The following NAV2 variants were observed in gnomAD, a reference collection of about 807,000 sequenced individuals.
NAV2 encodes helicase, APC down-regulated 1.
Under a neutral mutation model 223.2 loss-of-function variants are expected in NAV2, and 54 were observed. That is an observed-to-expected ratio of 0.24 (90% confidence interval 0.19 to 0.30). The LOEUF is 0.30. NAV2 is among the 10% of genes least tolerant of loss of function. NAV2 has a pLI of 1.00. For synonymous variants in NAV2, 1,279 were observed against 1,239.3 expected (o/e 1.03, Z -0.67); for missense variants, 2,806 against 3,147.5 (o/e 0.89, Z 2.60).
chr11:19,402,958 A>G (rs1849748995), intron 1 of NAV2, among the ~76,000 whole-genome samples: 2 of 152,378 alleles, frequency 1.3e-5, no homozygotes, highest in South Asian at 4.1e-4. Flanking sequence ...TCATCCATTC[A>G]TTACTAATGC....
intron 10 of NAV2, among the ~76,000 whole-genome samples, chr11:19,961,393 T>G (rs1211107118): frequency 6.6e-6 from 1 of 152,166 alleles, no homozygotes; most frequent in Admixed American, 6.5e-5. Context: ...TTGAGGTGAA[T>G]ATGAAAAGAA....
At chr11:19,792,334 G>C (rs1040466534) in intron 1 of NAV2, among the ~76,000 whole-genome samples, 13 of 152,186 alleles carry the variant, frequency 8.5e-5, no homozygotes, top group African/African-American at 2.2e-4. Flanking sequence ...TCTAAGTAGT[G>C]GGGGGCATTG....
At chr11:19,348,880 G>A (rs533838879), upstream of NAV2, among the ~76,000 whole-genome samples, 4 of 152,272 alleles carry the variant, frequency 2.6e-5, no homozygotes, top group Non-Finnish European at 5.9e-5. Context: ...TTAGTTTGAG[G>A]TTTCAATTGG....
At chr11:19,418,214 A>G (rs1386239712) in intron 1 of NAV2, among the ~76,000 whole-genome samples, 1 of 152,206 alleles carries the variant, frequency 6.6e-6, no homozygotes, top group Non-Finnish European at 1.5e-5. Flanking sequence ...TCAACCTCTC[A>G]ATCTGTCAGT....
In NAV2 at chr11:19,772,295, G is replaced by A. The variant is rs144611366; in HGVS notation, c.267+58333G>A. ...TTCATTTCCTGCATGTAATATGACA[G>A]TAATGCAGACAACTGCAGAAATAGG... On this transcript the variant is annotated intron_variant, in intron 1 of 37. Transcript: ENST00000349880. 3.9e-3 allele frequency among the ~76,000 whole-genome samples: 601 copies of A among 152,318 alleles called. 1 individual carries two copies. Among genetic ancestry groups the A allele is most frequent in the Non-Finnish European group, 6.3e-3 (428 of 68,024 alleles).
At chr11:19,884,239 T>G in intron 5 of NAV2, 1 of 1,306,240 alleles carries the variant, frequency 7.7e-7, no homozygotes, top group South Asian at 1.2e-5. Context: ...GTGTGTCTAA[T>G]GTATCTTCTC....
intron 3 of NAV2, among the ~76,000 whole-genome samples, chr11:19,849,358 A>G (rs1203313482): frequency 6.6e-6 from 1 of 152,228 alleles, no homozygotes; most frequent in East Asian, 1.9e-4. Context: ...TTTAGCTGAG[A>G]GTTAGCAAAA....
At chr11:20,038,114 C>T (rs1411366319) in intron 12 of NAV2, among the ~76,000 whole-genome samples, 1 of 152,178 alleles carries the variant, frequency 6.6e-6, no homozygotes, top group Non-Finnish European at 1.5e-5. Context: ...TCTTGCAAAG[C>T]TGGAATTGAA....
intron 1 of NAV2, among the ~76,000 whole-genome samples, chr11:19,813,994 C>A (rs1000018887): frequency 2.0e-5 from 3 of 152,200 alleles, no homozygotes; most frequent in African/African-American, 7.2e-5. Flanking sequence ...GCAGGACTTT[C>A]ATCTGTGGAA....
At chr11:19,419,978 G>A (rs544703037) in intron 1 of NAV2, among the ~76,000 whole-genome samples, 2 of 152,284 alleles carry the variant, frequency 1.3e-5, no homozygotes, top group South Asian at 4.1e-4. Context: ...AAATAGCAGT[G>A]GCAGTTCTTT....
At chr11:19,637,931 A>C (rs1337398287) in intron 1 of NAV2, among the ~76,000 whole-genome samples, 1 of 152,252 alleles carries the variant, frequency 6.6e-6, no homozygotes. Flanking sequence ...AGGGTAGGCC[A>C]GTGAGTTGGC....
chr11:20,120,190 G>T lies in NAV2; in HGVS notation c.*1932G>T, dbSNP rs919437627. On this transcript the variant is annotated 3_prime_UTR_variant, in exon 38 of 38. Transcript: ENST00000349880. The stretch of plus-strand genomic sequence containing the variant: ...TACCATAAGAGTTTGACCCGAAACT[G>T]CTCACTTCACATTGGATGACACCAT... 6.6e-6 allele frequency: 1 copy of T among 152,118 alleles called. No individual in the cohort carries two copies. Among genetic ancestry groups the T allele is most frequent in the African/African-American group, 2.4e-5 (1 of 41,412 alleles). The allele number at this position is 152,118 out of a possible 1,614,324, so 9.4% of individuals were successfully genotyped here.
At chr11:19,877,470 C>CTTTTTTTTTTTTTTCTTTTTTCTTTTTTT (rs1555114909) in intron 4 of NAV2, among the ~76,000 whole-genome samples, 3 of 82,620 alleles carry the variant, frequency 3.6e-5, no homozygotes, top group African/African-American at 6.8e-5. Flanking sequence ...TATCTTCATT[C>CTTTTTTTTTTTTTTCTTTTTTCTTTTTTT]TTTTTTTTTT....
chr11:19,889,581 C>T (rs573237194), intron 5 of NAV2, among the ~76,000 whole-genome samples: 2 of 152,334 alleles, frequency 1.3e-5, no homozygotes, highest in South Asian at 4.1e-4. Flanking sequence ...TCCTCAAGAA[C>T]TCCTTCTCCA....
At chr11:20,019,789 C>T (rs1413335856) in intron 11 of NAV2, among the ~76,000 whole-genome samples, 1 of 151,930 alleles carries the variant, frequency 6.6e-6, no homozygotes, top group Non-Finnish European at 1.5e-5. Context: ...ATGCTACCTG[C>T]TGCTGAAAAC....
chr11:20,035,570 C>G (rs569262991), intron 11 of NAV2, among the ~76,000 whole-genome samples: 2 of 152,174 alleles, frequency 1.3e-5, no homozygotes, highest in Non-Finnish European at 2.9e-5. Flanking sequence ...GTGCCTGCTG[C>G]GGAGTCCTTC....
intron 1 of NAV2, chr11:19,380,344 A>C (rs1848795565): frequency 6.6e-6 from 1 of 152,122 alleles, no homozygotes; most frequent in South Asian, 2.1e-4. Context: ...TGTGGTTCTA[A>C]AAGTCTGGAA....
chr11:19,434,377 T>A (rs754658066), intron 1 of NAV2, among the ~76,000 whole-genome samples: 3 of 152,200 alleles, frequency 2.0e-5, no homozygotes, highest in Non-Finnish European at 2.9e-5. Flanking sequence ...ACTGAAGCAT[T>A]TTTAAAAGCA....
chr11:20,044,253 A>C lies in NAV2; in HGVS notation c.3180A>C (p.Ala1060=), dbSNP rs760272744. The C allele has an allele frequency of 1.3e-5, 21 of 1,611,470 alleles. No individual in the cohort carries two copies. In the East Asian group the frequency reaches 3.6e-4, roughly 27 times the overall value. The change falls in exon 13 of 38, where the codon GCA becomes GCC. Residue 1060 remains alanine, a synonymous_variant. Coordinates refer to ENST00000349880, the MANE Select transcript of NAV2 (RefSeq NM_145117.5). The stretch of plus-strand genomic sequence containing the variant: ...CGAAGCCTTCAGCCCCGGCAGGCGC[A>C]CTGAAGACCCCAGGAACTGGTAAGA... ...PRTKPSAPAG[A]LKTPGTGKTD...
Sources: gnomAD v4.1 joint callset for allele counts (sites outside exome capture counted in the v4.1 genomes callset) on GRCh38, gnomAD v4.1.1 for gene constraint, MANE v1.5 for transcripts, NCBI Gene and HGNC (gene_info 2026-07-23, HGNC 2026-07-21) for gene names.